CSMD3: variants seen among roughly 807,000 people sequenced by gnomAD.
The protein encoded by CSMD3 is CUB and Sushi multiple domains 3.
CSMD3 carries 177 observed loss-of-function variants against 435.2 expected under a neutral mutation model. That is an observed-to-expected ratio of 0.41 (90% CI 0.36 to 0.46). The LOEUF is 0.46. CSMD3 is among the 20% of genes least tolerant of loss of function. The pLI, the probability that CSMD3 is intolerant of heterozygous loss-of-function variation, is 0.34. For missense variants in CSMD3, 4,265 were observed against 4,504.6 expected (o/e 0.95, Z 1.52); for synonymous variants, 1,656 against 1,520.5 (o/e 1.09, Z -2.07).
chr8:112,644,446 A>G (rs910112892), intron 20 of CSMD3, among the ~76,000 whole-genome samples: 2 of 152,190 alleles, frequency 1.3e-5, no homozygotes, highest in Admixed American at 6.5e-5. Context: ...CTTTCAAAAC[A>G]GTGAAGTAGG....
At chr8:112,422,687 T>A (rs144477326) in intron 32 of CSMD3, among the ~76,000 whole-genome samples, 1 of 152,312 alleles carries the variant, frequency 6.6e-6, no homozygotes, top group Non-Finnish European at 1.5e-5. Context: ...ACAGAAAATG[T>A]CACTCACATG....
chr8:113,220,073 C>T (rs118059686), intron 3 of CSMD3, among the ~76,000 whole-genome samples: 4,478 of 151,386 alleles, frequency 0.03, 85 homozygotes, highest in Admixed American at 0.04. Context: ...TACTGAGATG[C>T]CATTTCTCAA....
At chr8:112,932,802 T>C (rs1587703877) in intron 9 of CSMD3, among the ~76,000 whole-genome samples, 1 of 152,228 alleles carries the variant, frequency 6.6e-6, no homozygotes, top group East Asian at 1.9e-4. Context: ...CAAGATATTG[T>C]ATATTTGCAT....
intron 13 of CSMD3, among the ~76,000 whole-genome samples, chr8:112,730,455 T>C (rs531682366): frequency 6.6e-6 from 1 of 151,994 alleles, no homozygotes; most frequent in East Asian, 1.9e-4. Context: ...GATGTTAGAG[T>C]TTTCATATGC....
intron 3 of CSMD3, among the ~76,000 whole-genome samples, chr8:113,229,509 A>C (rs1306354663): frequency 1.3e-5 from 2 of 151,482 alleles, no homozygotes; most frequent in Non-Finnish European, 1.5e-5. Flanking sequence ...AATTATATTC[A>C]GTACTTGGTA....
chr8:112,234,309 C>A (rs1813367927), intron 68 of CSMD3, 56 bp downstream of exon 68: 1 of 1,144,818 alleles, frequency 8.7e-7, no homozygotes, highest in Non-Finnish European at 1.3e-6. Flanking sequence ...CTTTCCTGGA[C>A]AAGCTACAAA....
At chr8:112,301,307 CA>C (rs1820902971) in intron 53 of CSMD3, among the ~76,000 whole-genome samples, 1 of 151,616 alleles carries the variant, frequency 6.6e-6, no homozygotes, top group Non-Finnish European at 1.5e-5. Flanking sequence ...TGCCTAAAAT[CA>C]GGTTCAAAAA....
chr8:113,409,316 C>T (rs1321673510), intron 1 of CSMD3, among the ~76,000 whole-genome samples: 1 of 151,682 alleles, frequency 6.6e-6, no homozygotes, highest in Non-Finnish European at 1.5e-5. Context: ...AACTCCTGAC[C>T]TCGTGAAGCA....
chr8:113,231,342 G>GA (rs1489764313), intron 3 of CSMD3, among the ~76,000 whole-genome samples: 1 of 151,070 alleles, frequency 6.6e-6, no homozygotes, highest in East Asian at 1.9e-4. Flanking sequence ...TTGGGTCATG[G>GA]ATATATATCT....
chr8:112,235,295 G>A (rs995269733), intron 67 of CSMD3, among the ~76,000 whole-genome samples: 1 of 151,934 alleles, frequency 6.6e-6, no homozygotes, highest in African/African-American at 2.4e-5. Context: ...GAGGTGGGAG[G>A]ATGGCTTGAG....
chr8:112,295,283 C>T (rs1795478217), intron 54 of CSMD3, among the ~76,000 whole-genome samples: 2 of 152,066 alleles, frequency 1.3e-5, no homozygotes, highest in Admixed American at 1.3e-4. Flanking sequence ...AGATTAAACA[C>T]TGCATTAGCT....
At chr8:112,997,096 A>G (rs575714191) in intron 6 of CSMD3, among the ~76,000 whole-genome samples, 69 of 151,758 alleles carry the variant, frequency 4.5e-4, no homozygotes, top group African/African-American at 1.6e-3. Context: ...CATAAGTTGT[A>G]ATGATGAAAT....
chr8:112,342,999 A>ATATTTATATATATATATT (rs1178813429), intron 41 of CSMD3, among the ~76,000 whole-genome samples: 2 of 24,442 alleles, frequency 8.2e-5, no homozygotes, highest in South Asian at 1.5e-3. Flanking sequence ...ATATATATAT[A>ATATTTATATATATATATT]TTTATATATA....
intron 27 of CSMD3, among the ~76,000 whole-genome samples, chr8:112,527,706 A>C (rs138326414): frequency 0.01 from 1,597 of 152,128 alleles, 21 homozygotes; most frequent in African/African-American, 0.036. Flanking sequence ...AAACTAATAA[A>C]ATATTAATTT....
At chr8:112,256,971 T>G (rs905708547) in intron 61 of CSMD3, among the ~76,000 whole-genome samples, 1 of 152,178 alleles carries the variant, frequency 6.6e-6, no homozygotes, top group African/African-American at 2.4e-5. Flanking sequence ...ATGTATACCT[T>G]AATTATAGAC....
At chr8:113,354,285 G>A (rs997845299) in intron 1 of CSMD3, among the ~76,000 whole-genome samples, 1 of 152,104 alleles carries the variant, frequency 6.6e-6, no homozygotes, top group Non-Finnish European at 1.5e-5. Context: ...TCCTGAATTT[G>A]AATACCTGAA....
intron 40 of CSMD3, among the ~76,000 whole-genome samples, chr8:112,348,269 C>T (rs572104107): frequency 6.6e-6 from 1 of 152,310 alleles, no homozygotes; most frequent in South Asian, 2.1e-4. Context: ...TGTCCCATTA[C>T]ACTCTTTTTG....
intron 18 of CSMD3, among the ~76,000 whole-genome samples, chr8:112,654,487 C>T (rs777789962): frequency 1.3e-5 from 2 of 152,176 alleles, no homozygotes; most frequent in Non-Finnish European, 2.9e-5. Context: ...TCTAATCAAC[C>T]TCAATGTTTG....
Position 112,406,574 on chromosome 8 carries a change from G to A in CSMD3, c.5759C>T (p.Thr1920Ile), listed in dbSNP as rs558931780. 1 of 1,612,632 alleles carries A rather than the reference G, an allele frequency of 6.2e-7. No individual in the cohort carries two copies. The highest frequency in any genetic ancestry group is 1.1e-5 in the South Asian group (1 of 91,016). The part of the protein sequence containing the change: ...LHGSIAIRCE[T>I]VPNSLAQWND... ...CCACTGGGCCAAAGAATTGGGCACT[G>A]TTTCACACCTAATTGCTATGGATCC... Residue 1920 changes from threonine to isoleucine, a missense_variant, in exon 35 of 71, where the codon ACA becomes ATA. Coordinates refer to ENST00000297405, the MANE Select transcript of CSMD3 (RefSeq NM_198123.2).
Sources: allele counts gnomAD v4.1 joint callset (sites outside exome capture counted in the v4.1 genomes callset), GRCh38; gene constraint gnomAD v4.1.1; transcripts MANE v1.5; gene names NCBI Gene and HGNC (gene_info 2026-07-23, HGNC 2026-07-21).